Variants in DYSF observed in about 807,000 individuals in gnomAD.
DYSF encodes the protein dysferlin, also known as dystrophy-associated fer-1-like 1.
In DYSF, 212 loss-of-function variants were observed where a neutral mutation model predicts 274.9. The ratio of observed to expected loss-of-function variants is 0.77; its 90% CI spans 0.69 to 0.86. DYSF has a LOEUF of 0.86. Among genes scored for constraint, DYSF ranks in the 40% least tolerant of loss-of-function variants. DYSF has a pLI of 0.00. For missense variants in DYSF, 2,666 were observed against 2,783.2 expected, an observed-to-expected ratio of 0.96 and a Z score of 0.95; for synonymous variants, 1,091 against 1,078.7, an observed-to-expected ratio of 1.01 and a Z score of -0.22.
In DYSF at chr2:71,493,851, C is replaced by CAAAAAAAAAAAAAAAAAAAAA. The variant is rs145288384; in HGVS notation, c.240-9360_240-9340dup. The stretch of plus-strand genomic sequence containing the variant: ...TGGGTGATAGAGTGATACTCTGTCT[C>CAAAAAAAAAAAAAAAAAAAAA]AAAAAAAAAAAAAAAAAAAAAAAGA... On this transcript the variant is annotated intron_variant, in intron 3 of 55. Coordinates refer to ENST00000410020, the MANE Select transcript of DYSF (RefSeq NM_001130987.2). Among the ~76,000 whole-genome samples, 33 of 69,250 alleles carry CAAAAAAAAAAAAAAAAAAAAA rather than the reference C, an allele frequency of 4.8e-4. 1 individual carries two copies. The highest frequency in any genetic ancestry group is 6.9e-4 in the South Asian group (1 of 1,448). 45.4% of individuals were successfully genotyped at this position (69,250 alleles called of 152,430 possible).
intron 42 of DYSF, among the ~76,000 whole-genome samples, chr2:71,645,126 C>T (rs2142488): frequency 0.099 from 15,006 of 152,206 alleles, 794 homozygotes; most frequent in South Asian, 0.16. Context: ...CATCTGTAGG[C>T]GGCTTGTGTT....
chr2:71,513,964 A>T (rs1247153438), intron 7 of DYSF, 43 bp downstream of exon 7: 13 of 1,612,122 alleles, frequency 8.1e-6, no homozygotes, highest in Non-Finnish European at 1.1e-5. Context: ...CTCTTCAGCC[A>T]TCAGCTGCGG....
At chr2:71,545,829 A>T (rs2090426034) in intron 17 of DYSF, among the ~76,000 whole-genome samples, 1 of 151,874 alleles carries the variant, frequency 6.6e-6, no homozygotes, top group Non-Finnish European at 1.5e-5. Flanking sequence ...TGTCCGCATG[A>T]GTGTGTTGGT....
chr2:71,574,116 C>T lies in DYSF; in HGVS notation c.3229-82C>T. 14 of 1,550,622 alleles carry T rather than the reference C, an allele frequency of 9.0e-6. No individual in the cohort carries two copies. The South Asian group carries it at 1.5e-4, about 16-fold the overall frequency. ...GCTGGTGGGGAGTTGTCATGGAAGA[C>T]AGGAAGGCAAAGGTGGAGCCGAGCA... On this transcript the variant is annotated intron_variant, in intron 29 of 55. Transcript: ENST00000410020.
intron 17 of DYSF, among the ~76,000 whole-genome samples, chr2:71,543,081 C>T (rs1189601571): frequency 6.0e-5 from 8 of 132,302 alleles, no homozygotes; most frequent in African/African-American, 1.2e-4. Context: ...AGCTGCCGGG[C>T]GGAGACGCTC....
intron 55 of DYSF, among the ~76,000 whole-genome samples, chr2:71,683,687 C>G (rs151331061): frequency 1.5e-3 from 236 of 152,348 alleles, no homozygotes; most frequent in African/African-American, 5.4e-3. Context: ...CCAGGGCTCA[C>G]TGTGATTCCC....
intron 26 of DYSF, among the ~76,000 whole-genome samples, chr2:71,569,246 G>A (rs1197244269): frequency 6.6e-6 from 1 of 152,166 alleles, no homozygotes; most frequent in East Asian, 1.9e-4. Context: ...AGACACCCAG[G>A]ACAAGCCCAT....
At chr2:71,600,270 C>G (rs2093516893) in intron 33 of DYSF, among the ~76,000 whole-genome samples, 1 of 152,130 alleles carries the variant, frequency 6.6e-6, no homozygotes, top group Non-Finnish European at 1.5e-5. Context: ...TCACAGTTTC[C>G]CCATTTGCAA....
At chr2:71,682,783 T>G in intron 55 of DYSF, 106 bp downstream of exon 55, 1 of 1,480,348 alleles carries the variant, frequency 6.8e-7, no homozygotes, top group Non-Finnish European at 9.2e-7. Flanking sequence ...AAGTAACCTC[T>G]GTCCTTGGAG....
chr2:71,455,270 T>C (rs2081013206), intron 1 of DYSF, among the ~76,000 whole-genome samples: 1 of 152,180 alleles, frequency 6.6e-6, no homozygotes, highest in East Asian at 1.9e-4. Flanking sequence ...ATGTCATGAG[T>C]ACCTTCTCTT....
chr2:71,588,310 C>G (rs1166986724), intron 30 of DYSF, among the ~76,000 whole-genome samples: 2 of 152,054 alleles, frequency 1.3e-5, no homozygotes, highest in Admixed American at 6.6e-5. Context: ...GGTGATGAAG[C>G]TGGTTTTGGC....
chr2:71,553,147 C>T lies in DYSF; in HGVS notation c.1943C>T (p.Pro648Leu), dbSNP rs773627676. ...AACAAGTTCGACATGACCTGCCTGC[C>T]GCTGGCCTCCACCACTCAGTACAGC... ...YGNKFDMTCLPLASTTQYSRA... is the reference protein window; with the variant it reads ...YGNKFDMTCLLLASTTQYSRA... Residue 648 changes from proline to leucine, a missense_variant, in exon 20 of 56, where the codon CCG (proline) becomes CTG (leucine). Coordinates refer to ENST00000410020, the MANE Select transcript of DYSF (RefSeq NM_001130987.2). 9.9e-6 allele frequency: 16 copies of T among 1,613,990 alleles called. No homozygotes were observed. Among genetic ancestry groups the T allele is most frequent in the Middle Eastern group, 1.6e-4 (1 of 6,084 alleles).
At chr2:71,596,206 C>G (rs1031612509) in intron 32 of DYSF, among the ~76,000 whole-genome samples, 2 of 151,992 alleles carry the variant, frequency 1.3e-5, no homozygotes, top group African/African-American at 4.8e-5. Context: ...TCCCCGTTCT[C>G]CCCCCAGCGC....
At chr2:71,659,122 G>A (rs2094831310) in intron 44 of DYSF, 89 bp downstream of exon 44, 2 of 1,557,612 alleles carry the variant, frequency 1.3e-6, no homozygotes, top group African/African-American at 1.4e-5. Context: ...CTGCCTCAGG[G>A]AGTTCATAGT....
intron 55 of DYSF, among the ~76,000 whole-genome samples, chr2:71,684,734 G>T (rs1333279571): frequency 6.6e-6 from 1 of 152,224 alleles, no homozygotes; most frequent in African/African-American, 2.4e-5. Flanking sequence ...TGCTGAGGGG[G>T]AATCTGCATG....
intron 3 of DYSF, among the ~76,000 whole-genome samples, chr2:71,482,908 G>A (rs760773165): frequency 6.6e-6 from 1 of 152,138 alleles, no homozygotes; most frequent in African/African-American, 2.4e-5. Context: ...GCTCACAGGG[G>A]AGCCTTTGTT....
chr2:71,640,386 CA>C (rs1466303448), intron 41 of DYSF, among the ~76,000 whole-genome samples: 1 of 152,004 alleles, frequency 6.6e-6, no homozygotes, highest in Non-Finnish European at 1.5e-5. Flanking sequence ...TTTTGTTTTG[CA>C]TATTATAAAC....
At chr2:71,618,484 T>A (rs2093990632) in intron 40 of DYSF, among the ~76,000 whole-genome samples, 1 of 134,682 alleles carries the variant, frequency 7.4e-6, no homozygotes, top group Non-Finnish European at 1.6e-5. Flanking sequence ...GGTGTGTGTG[T>A]GGTAGAGGTG....
At chr2:71,563,439 C>A (rs546198371) in intron 23 of DYSF, among the ~76,000 whole-genome samples, 32 of 152,308 alleles carry the variant, frequency 2.1e-4, no homozygotes, top group African/African-American at 6.7e-4. Context: ...ACCCAATCAG[C>A]CTGCTCTCCA....
Sources: allele counts gnomAD v4.1 joint callset (sites outside exome capture counted in the v4.1 genomes callset), GRCh38; gene constraint gnomAD v4.1.1; transcripts MANE v1.5; gene names NCBI Gene and HGNC (gene_info 2026-07-23, HGNC 2026-07-21).